The following PPP1R9A variants were observed in gnomAD, a reference collection of about 807,000 sequenced individuals.
The protein encoded by PPP1R9A is protein phosphatase 1 regulatory subunit 9A.
In PPP1R9A, 59 loss-of-function variants were observed where a neutral mutation model predicts 141.9. The observed-to-expected ratio is 0.42, with a 90% CI of 0.34 to 0.52. The LOEUF (loss-of-function observed/expected upper bound fraction) is 0.52, where lower values mean the gene tolerates loss of function less well. Among genes scored for constraint, PPP1R9A ranks in the 20% least tolerant of loss-of-function variants. The probability of loss-of-function intolerance (pLI) is 0.10; values close to 1 mark genes in which losing one functional copy is unlikely to be tolerated. For missense variants in PPP1R9A, 1,444 were observed against 1,611.9 expected (o/e 0.90, Z 1.78); for synonymous variants, 500 against 569.7 (o/e 0.88, Z 1.74).
chr7:95,116,286 A>G (rs1438298771), intron 3 of PPP1R9A, among the ~76,000 whole-genome samples: 1 of 152,188 alleles, frequency 6.6e-6, no homozygotes, highest in African/African-American at 2.4e-5. Context: ...ACAGCAAATA[A>G]AAGATGAAAA....
intron 2 of PPP1R9A, among the ~76,000 whole-genome samples, chr7:95,016,059 A>G (rs1805062397): frequency 6.6e-6 from 1 of 152,112 alleles, no homozygotes; most frequent in Non-Finnish European, 1.5e-5. Context: ...CCCTGTCTCT[A>G]AAGAATAAGA....
intron 2 of PPP1R9A, among the ~76,000 whole-genome samples, chr7:95,042,802 T>C (rs1413010499): frequency 6.6e-6 from 1 of 152,152 alleles, no homozygotes; most frequent in Non-Finnish European, 1.5e-5. Flanking sequence ...ATCATCTACA[T>C]GTTAAAATAA....
At chr7:95,262,613 C>G (rs1800604931) in intron 12 of PPP1R9A, among the ~76,000 whole-genome samples, 1 of 152,114 alleles carries the variant, frequency 6.6e-6, no homozygotes, top group African/African-American at 2.4e-5. Context: ...TTAAGCCTCT[C>G]TGTCCACTGA....
chr7:95,258,324 A>C (rs1364064855), intron 12 of PPP1R9A, among the ~76,000 whole-genome samples: 1 of 152,118 alleles, frequency 6.6e-6, no homozygotes, highest in Non-Finnish European at 1.5e-5. Flanking sequence ...TCTTTTGAGA[A>C]GTGTCTGTTC....
chr7:95,159,116 C>A (rs1830063970), intron 4 of PPP1R9A, among the ~76,000 whole-genome samples: 1 of 151,948 alleles, frequency 6.6e-6, no homozygotes, highest in South Asian at 2.1e-4. Context: ...TTTTATTATA[C>A]CTAAATTGGA....
intron 5 of PPP1R9A, among the ~76,000 whole-genome samples, chr7:95,183,243 T>G (rs1270132715): frequency 6.6e-6 from 1 of 151,740 alleles, no homozygotes; most frequent in African/African-American, 2.4e-5. Context: ...GTTCAAGTGA[T>G]TCTCCTGCGT....
intron 2 of PPP1R9A, among the ~76,000 whole-genome samples, chr7:94,980,427 A>G (rs2151316342): frequency 6.6e-6 from 1 of 152,216 alleles, no homozygotes; most frequent in South Asian, 2.1e-4. Flanking sequence ...TTTACATTGT[A>G]CAGTACATTC....
chr7:94,926,675 G>GT (rs1031757314), intron 2 of PPP1R9A, among the ~76,000 whole-genome samples: 15 of 150,750 alleles, frequency 1.0e-4, no homozygotes, highest in Non-Finnish European at 1.5e-4. Context: ...GGTTTCTTTT[G>GT]TTTTTTTTCA....
intron 5 of PPP1R9A, among the ~76,000 whole-genome samples, chr7:95,188,315 T>C (rs1834945140): frequency 6.6e-6 from 1 of 152,208 alleles, no homozygotes; most frequent in African/African-American, 2.4e-5. Flanking sequence ...TGATTGCTTT[T>C]CGTTTCCATT....
intron 2 of PPP1R9A, among the ~76,000 whole-genome samples, chr7:95,065,504 T>TAA (rs1413246559): frequency 6.6e-6 from 1 of 152,238 alleles, no homozygotes; most frequent in Non-Finnish European, 1.5e-5. Flanking sequence ...TTACTTTTTT[T>TAA]AAAAAAGGAA....
At chr7:95,121,620 G>A (rs1224960204) in intron 4 of PPP1R9A, among the ~76,000 whole-genome samples, 2 of 152,092 alleles carry the variant, frequency 1.3e-5, no homozygotes. Context: ...CAGAATACCT[G>A]AGACTGGGTA....
Position 95,268,620 on chromosome 7 carries a change from T to C in PPP1R9A, c.2736T>C (p.Ser912=), listed in dbSNP as rs1278451610. Residue 912 remains serine, a synonymous_variant, in exon 13 of 20, where the codon TCT becomes TCC. Transcript: ENST00000433360. ...SKALKTRAQL[S]VKNRRQRPSR... ...CACTGAAAACTCGAGCCCAGCTCTC[T>C]GTGAAGAACAGACGCCAGAGACCCT... 1.2e-6 allele frequency: 2 copies of C among 1,613,440 alleles called. No homozygotes were observed. Among genetic ancestry groups the C allele is most frequent in the Non-Finnish European group, 1.7e-6 (2 of 1,179,632 alleles).
chr7:95,262,660 G>A (rs1185243090), intron 12 of PPP1R9A, among the ~76,000 whole-genome samples: 2 of 151,968 alleles, frequency 1.3e-5, no homozygotes, highest in Non-Finnish European at 1.5e-5. Context: ...CTGAAGAAGG[G>A]TATATTAGAT....
At chr7:95,097,507 C>G (rs1188200341) in intron 2 of PPP1R9A, among the ~76,000 whole-genome samples, 2 of 152,170 alleles carry the variant, frequency 1.3e-5, no homozygotes, top group Non-Finnish European at 2.9e-5. Flanking sequence ...TTGACTTTTT[C>G]ACTATTTCTT....
intron 3 of PPP1R9A, among the ~76,000 whole-genome samples, chr7:95,119,753 C>A (rs761679095): frequency 2.6e-5 from 4 of 151,890 alleles, no homozygotes; most frequent in African/African-American, 9.7e-5. Flanking sequence ...TGTGCCCAGG[C>A]GCTTCATTGG....
At chr7:95,265,107 G>T (rs549654264) in intron 12 of PPP1R9A, among the ~76,000 whole-genome samples, 1 of 152,132 alleles carries the variant, frequency 6.6e-6, no homozygotes, top group East Asian at 1.9e-4. Context: ...TATATGTAAA[G>T]CCAAAAAAAA....
At chr7:94,984,333 A>G (rs938142337) in intron 2 of PPP1R9A, among the ~76,000 whole-genome samples, 1 of 152,036 alleles carries the variant, frequency 6.6e-6, no homozygotes, top group Non-Finnish European at 1.5e-5. Flanking sequence ...TATCAGGGTG[A>G]TGTTTGCCTC....
intron 3 of PPP1R9A, among the ~76,000 whole-genome samples, chr7:95,118,720 C>T (rs1821951557): frequency 1.3e-5 from 2 of 151,546 alleles, no homozygotes. Flanking sequence ...ATCCATAATA[C>T]CAGCACTTTG....
intron 5 of PPP1R9A, among the ~76,000 whole-genome samples, chr7:95,186,680 A>G (rs1834705104): frequency 6.6e-6 from 1 of 152,080 alleles, no homozygotes; most frequent in African/African-American, 2.4e-5. Flanking sequence ...TATTACCTTA[A>G]GGTATGGCTC....
Sources: allele counts gnomAD v4.1 joint callset (sites outside exome capture counted in the v4.1 genomes callset), GRCh38; gene constraint gnomAD v4.1.1; transcripts MANE v1.5; gene names NCBI Gene and HGNC (gene_info 2026-07-23, HGNC 2026-07-21).